The following NASP variants were observed in gnomAD, a reference collection of about 807,000 sequenced individuals.
NASP encodes the protein nuclear autoantigenic sperm protein, also known as NASP histone chaperone.
In NASP, 24 loss-of-function variants were observed where a neutral mutation model predicts 89.5. That is an observed-to-expected ratio of 0.27 (90% confidence interval 0.19 to 0.38). NASP has a LOEUF of 0.38. Among genes scored for constraint, NASP ranks in the 10% least tolerant of loss-of-function variants. NASP has a pLI of 1.00. For missense variants in NASP, 848 were observed against 921.4 expected, an observed-to-expected ratio of 0.92 and a Z score of 1.03; for synonymous variants, 306 against 324.7, an observed-to-expected ratio of 0.94 and a Z score of 0.62.
At chr1:45,592,026 C>T (rs1440902129) in intron 2 of NASP, among the ~76,000 whole-genome samples, 2 of 152,336 alleles carry the variant, frequency 1.3e-5, no homozygotes, top group Middle Eastern at 3.4e-3. Context: ...TCACTCTTGT[C>T]GCCCAGGCTG....
At chr1:45,617,372 C>G (rs1406649983) in intron 13 of NASP, 91 bp from the exon 14 acceptor site, 4 of 1,446,144 alleles carry the variant, frequency 2.8e-6, no homozygotes, top group Non-Finnish European at 3.8e-6. Context: ...TGTTCAGGAT[C>G]TTTGCACCAC....
At chr1:45,603,171 A>G (rs1643872679) in intron 3 of NASP, among the ~76,000 whole-genome samples, 1 of 152,162 alleles carries the variant, frequency 6.6e-6, no homozygotes, top group African/African-American at 2.4e-5. Context: ...AAGATCATTT[A>G]TTTTCCCCAA....
intron 1 of NASP, among the ~76,000 whole-genome samples, chr1:45,584,763 TGAG>T (rs1001509651): frequency 1.1e-4 from 16 of 152,084 alleles, no homozygotes; most frequent in African/African-American, 1.9e-4. Flanking sequence ...GGCGGGGCCT[TGAG>T]GAGGCGGGAA....
intron 2 of NASP, among the ~76,000 whole-genome samples, chr1:45,593,966 T>C (rs1316729796): frequency 2.0e-5 from 3 of 149,866 alleles, no homozygotes; most frequent in Non-Finnish European, 3.0e-5. Flanking sequence ...GAAGTCGAGG[T>C]GGTGGTGAGC....
At chr1:45,612,985 A>T in intron 6 of NASP, 184 bp from the exon 7 acceptor site, 1 of 719,044 alleles carries the variant, frequency 1.4e-6, no homozygotes, top group Non-Finnish European at 2.0e-6. Context: ...GCACATTCTT[A>T]GTCTAGGTTA....
chr1:45,608,500 AG>A, intron 6 of NASP, 163 bp downstream of exon 6: 1 of 690,962 alleles, frequency 1.4e-6, no homozygotes, highest in Non-Finnish European at 2.4e-6. Flanking sequence ...GTGATAGTCA[AG>A]TAAGTTCAAT....
At chr1:45,613,068 C>A in intron 6 of NASP, 101 bp from the exon 7 acceptor site, 1 of 1,437,378 alleles carries the variant, frequency 7.0e-7, no homozygotes, top group Non-Finnish European at 9.2e-7. Context: ...AGCATCTGGC[C>A]TGTCCTATCT....
In NASP at chr1:45,606,599, G is replaced by A. The variant is rs754256422; in HGVS notation, c.409+8G>A. On this transcript the variant is annotated splice_region_variant and intron_variant, in intron 5 of 14. Transcript: ENST00000350030. ...ATAATGATAACATAGATGGTATGTG[G>A]AGTTGCATGTGACATTCAAGAGATG... 2 of 1,553,362 alleles carry A rather than the reference G, an allele frequency of 1.3e-6. No individual in the cohort carries two copies. The highest frequency in any genetic ancestry group is 8.9e-7 in the Non-Finnish European group (1 of 1,124,772).
At position 45,584,101 on chromosome 1, in the gene NASP, C is replaced by T. The variant is rs1188363802; in HGVS notation, c.-46C>T. 2.0e-6 allele frequency: 3 copies of T among 1,530,758 alleles called. No individual in the cohort carries two copies. The highest frequency in any genetic ancestry group is 3.9e-5 in the Admixed American group (2 of 50,810). The allele number at this position is 1,530,758 out of a possible 1,614,324, so 94.8% of individuals were successfully genotyped here. On this transcript the variant is annotated 5_prime_UTR_variant, in exon 1 of 15. Transcript: ENST00000350030. ...CTGGCGTCCCAAATTGCCTGTTTTT[C>T]TCGCAGGCTCTATTCCGTTCGCTGG...
At chr1:45,593,287 C>T (rs1302898170) in intron 2 of NASP, among the ~76,000 whole-genome samples, 1 of 152,108 alleles carries the variant, frequency 6.6e-6, no homozygotes, top group Non-Finnish European at 1.5e-5. Context: ...AATCCCAGCA[C>T]TTTGGGAGAC....
At chr1:45,610,242 A>G (rs892214325) in intron 6 of NASP, 1 of 152,170 alleles carries the variant, frequency 6.6e-6, no homozygotes, top group Non-Finnish European at 1.5e-5. Flanking sequence ...AAAGTTAACT[A>G]TATTTTAAAA....
In NASP at chr1:45,602,313, A is replaced by T. The variant is rs777422030; in HGVS notation, c.166A>T (p.Met56Leu). 6.2e-7 allele frequency: 1 copy of T among 1,613,768 alleles called. No homozygotes were observed. The highest frequency in any genetic ancestry group is 8.5e-7 in the Non-Finnish European group (1 of 1,179,742). ...GGGTTTAGGACAGAAACATCTGGTGATGGGGGATATTCCAGCAGCTGTCAA... is the reference window on the plus strand; with the variant it reads ...GGGTTTAGGACAGAAACATCTGGTGTTGGGGGATATTCCAGCAGCTGTCAA... ...LLGLGQKHLV[M>L]GDIPAAVNAF... Residue 56 changes from methionine to leucine, a missense_variant, in exon 3 of 15, where the codon ATG (methionine) becomes TTG (leucine). Met to Leu is a conservative substitution (Grantham distance 15, BLOSUM62 2). This residue lies in a region of NASP where 89 missense variants were observed against 79.2 expected (regional missense o/e 1.12). Transcript: ENST00000350030.
At chr1:45,594,696 A>G in intron 2 of NASP, 1 of 455,112 alleles carries the variant, frequency 2.2e-6, no homozygotes, top group Non-Finnish European at 4.4e-6. Flanking sequence ...GTTTTTAGAG[A>G]TGAGGTTTCG....
chr1:45,596,131 A>G (rs1643688462), intron 2 of NASP, among the ~76,000 whole-genome samples: 1 of 152,262 alleles, frequency 6.6e-6, no homozygotes, highest in Non-Finnish European at 1.5e-5. Flanking sequence ...GAGCTTTCAC[A>G]TGAAAAATAA....
rs1278675322 is a variant in NASP, at chr1:45,617,452, T to TA, written c.2158-10dup. The stretch of plus-strand genomic sequence containing the variant: ...AGCACATTTGTGAAGCCTTCACAAT[T>TA]ATATCTTTAGAGGAAACCAGAGGAA... On this transcript the variant is annotated splice_polypyrimidine_tract_variant and intron_variant, in intron 13 of 14. Coordinates refer to ENST00000350030, the MANE Select transcript of NASP (RefSeq NM_002482.4). 2.5e-6 allele frequency: 4 copies of TA among 1,609,920 alleles called. No individual in the cohort carries two copies. The highest frequency in any genetic ancestry group is 3.4e-6 in the Non-Finnish European group (4 of 1,178,920).
chr1:45,590,401 G>A (rs907903911), intron 1 of NASP, among the ~76,000 whole-genome samples: 10 of 151,398 alleles, frequency 6.6e-5, no homozygotes, highest in South Asian at 6.3e-4. Flanking sequence ...AAAATTAGCC[G>A]GGCATGGTGG....
At chr1:45,599,231 C>T (rs1318104041) in intron 2 of NASP, among the ~76,000 whole-genome samples, 2 of 152,064 alleles carry the variant, frequency 1.3e-5, no homozygotes, top group African/African-American at 4.8e-5. Flanking sequence ...TGGGCTCAAA[C>T]AGTCTTCCTG....
Position 45,604,976 on chromosome 1 carries a change from G to A in NASP, c.259G>A (p.Ala87Thr). The A allele has an allele frequency of 1.2e-6, 2 of 1,613,236 alleles. No homozygotes were observed. Among genetic ancestry groups the A allele is most frequent in the Middle Eastern group, 1.7e-4 (1 of 6,048 alleles). Reference sequence around the variant, plus strand: ...AGAGACAGCTAATGAGTGTGGAGAAGCCTTCTTTTTCTATGGGAAATCACT... The same window carrying A: ...AGAGACAGCTAATGAGTGTGGAGAAACCTTCTTTTTCTATGGGAAATCACT... Reference protein sequence around the residue: ...YGETANECGEAFFFYGKSLLE... With the variant: ...YGETANECGETFFFYGKSLLE... The change falls in exon 4 of 15, where the codon GCC becomes ACC. Residue 87 changes from alanine (A) to threonine (T), a missense_variant. Coordinates refer to ENST00000350030, the MANE Select transcript of NASP (RefSeq NM_002482.4).
At chr1:45,602,211 G>A in intron 2 of NASP, 44 bp from the exon 3 acceptor site, 3 of 1,575,962 alleles carry the variant, frequency 1.9e-6, no homozygotes, top group Non-Finnish European at 2.6e-6. Flanking sequence ...AAAAAATACT[G>A]ATTTAAACAG....
Sources: allele counts gnomAD v4.1 joint callset (sites outside exome capture counted in the v4.1 genomes callset), GRCh38; gene constraint gnomAD v4.1.1; regional missense constraint gnomAD v4.1.1; transcripts MANE v1.5; gene names NCBI Gene and HGNC (gene_info 2026-07-23, HGNC 2026-07-21).